The following MOB3A variants were observed in gnomAD, a reference collection of about 807,000 sequenced individuals.
MOB3A encodes the protein MOB kinase activator 3A.
A neutral mutation model predicts 17.8 loss-of-function variants in MOB3A; 17 were observed. The ratio of observed to expected loss-of-function variants is 0.95; its 90% CI spans 0.65 to 1.43. The LOEUF (loss-of-function observed/expected upper bound fraction) is 1.43, where lower values mean the gene tolerates loss of function less well. Ranked by LOEUF, MOB3A falls within the 40% of genes most tolerant of loss-of-function variation. The pLI is 0.00. For missense variants in MOB3A, 333 were observed against 310.8 expected, an observed-to-expected ratio of 1.07 and a Z score of -0.54; for synonymous variants, 124 against 133.2, an observed-to-expected ratio of 0.93 and a Z score of 0.48.
chr19:2,085,025 G>A (rs538966129), intron 2 of MOB3A, 150 bp downstream of exon 2: 3 of 152,194 alleles, frequency 2.0e-5, no homozygotes, highest in East Asian at 1.9e-4. Context: ...TGTCCGGCCC[G>A]AGCAAAGCGT....
chr19:2,091,477 G>T (rs528621464), intron 1 of MOB3A, among the ~76,000 whole-genome samples: 1 of 151,844 alleles, frequency 6.6e-6, no homozygotes, highest in African/African-American at 2.4e-5. Context: ...TCTGCCTCCC[G>T]GGCTCAAGCA....
chr19:2,077,649 T>C (rs2017429331), intron 3 of MOB3A, among the ~76,000 whole-genome samples: 1 of 152,100 alleles, frequency 6.6e-6, no homozygotes, highest in Admixed American at 6.6e-5. Context: ...TTGTCTCCTC[T>C]GCGAAGGACT....
rs141042584 is a variant in MOB3A, at chr19:2,076,975, T to C, written c.460A>G (p.Lys154Glu). 1 of 1,613,822 alleles carries C rather than the reference T, an allele frequency of 6.2e-7. No individual in the cohort carries two copies. Among genetic ancestry groups the C allele is most frequent in the Non-Finnish European group, 8.5e-7 (1 of 1,179,996 alleles). ...FPKNFLQTVRKILSRLFRVFV... is the reference protein window; with the variant it reads ...FPKNFLQTVREILSRLFRVFV... ...ACGCGGAACAGCCGCGACAGGATCT[T>C]CCGCACCGTCTGCAGGAAGTTCTTG... The change falls in exon 4 of 5, where the codon AAG becomes GAG. Residue 154 changes from lysine (K) to glutamate (E), a missense_variant. Coordinates refer to ENST00000357066, the MANE Select transcript of MOB3A (RefSeq NM_130807.3).
chr19:2,075,023 T>C (rs1050911990), intron 4 of MOB3A, among the ~76,000 whole-genome samples: 31 of 149,222 alleles, frequency 2.1e-4, no homozygotes, highest in Non-Finnish European at 4.1e-4. Context: ...GGCCTTAATC[T>C]TTTCTTTTCT....
rs4807198 is a variant in MOB3A, at chr19:2,081,612, G to A, written c.-119-2933C>T. ...CAAAACAAAACAAAACAGGCCTGGC[G>A]CGGTGGCCCACGCCTGTAATCCCAG... On this transcript the variant is annotated intron_variant, in intron 2 of 4. Transcript: ENST00000357066. Among the ~76,000 whole-genome samples, 368 of 151,622 alleles carry A rather than the reference G, an allele frequency of 2.4e-3. 1 individual carries two copies. In the East Asian group the frequency reaches 0.03, roughly 12 times the overall value.
At chr19:2,077,151 A>G in intron 3 of MOB3A, 138 bp from the exon 4 acceptor site, 1 of 714,234 alleles carries the variant, frequency 1.4e-6, no homozygotes, top group Non-Finnish European at 2.4e-6. Flanking sequence ...CTGTAATCCC[A>G]GCACTTTGGG....
At chr19:2,081,458 G>T (rs1213367108) in intron 2 of MOB3A, among the ~76,000 whole-genome samples, 6 of 151,816 alleles carry the variant, frequency 4.0e-5, no homozygotes, top group Non-Finnish European at 8.8e-5. Context: ...CATGGTGGCG[G>T]GCGCCTGTAA....
intron 1 of MOB3A, among the ~76,000 whole-genome samples, chr19:2,094,738 C>T (rs2017651905): frequency 6.6e-6 from 1 of 152,262 alleles, no homozygotes; most frequent in African/African-American, 2.4e-5. Flanking sequence ...AAGCAGAAAG[C>T]ACAGATGGGA....
At chr19:2,095,769 T>TC (rs1031122694) in intron 1 of MOB3A, among the ~76,000 whole-genome samples, 7 of 149,960 alleles carry the variant, frequency 4.7e-5, no homozygotes, top group South Asian at 4.2e-4. Flanking sequence ...TTTTTTTTTT[T>TC]CCCCCGCTCT....
At chr19:2,076,753 C>A in intron 4 of MOB3A, 58 bp downstream of exon 4, 1 of 1,571,060 alleles carries the variant, frequency 6.4e-7, no homozygotes, top group Non-Finnish European at 8.7e-7. Flanking sequence ...AAGGGTTCCT[C>A]TGCCACGGGC....
At chr19:2,080,514 A>G (rs531149710) in intron 2 of MOB3A, among the ~76,000 whole-genome samples, 30 of 152,098 alleles carry the variant, frequency 2.0e-4, no homozygotes, top group African/African-American at 7.0e-4. Context: ...AGTAGCTGGC[A>G]CTACAGGCAC....
rs142144016 is a variant in MOB3A, at chr19:2,083,971, T to G, written c.-120+1204A>C. On this transcript the variant is annotated intron_variant, in intron 2 of 4. Coordinates refer to ENST00000357066, the MANE Select transcript of MOB3A (RefSeq NM_130807.3). ...ACTTTTTGTAGAGATAGGGTCTCACTACATTGCCCAGGCTGGTCTTGAACT... is the reference window on the plus strand; with the variant it reads ...ACTTTTTGTAGAGATAGGGTCTCACGACATTGCCCAGGCTGGTCTTGAACT... 2,457 of 294,274 alleles carry G rather than the reference T, an allele frequency of 8.3e-3. 15 individuals are homozygous for G. The highest frequency in any genetic ancestry group is 0.013 in the Non-Finnish European group (1,840 of 144,098). 18.2% of individuals were successfully genotyped at this position (294,274 alleles called of 1,614,324 possible).
At chr19:2,084,311 G>A in intron 2 of MOB3A, 1 of 363,864 alleles carries the variant, frequency 2.7e-6, no homozygotes, top group Non-Finnish European at 5.5e-6. Context: ...TGGCCAACAT[G>A]GTGAAACCCT....
chr19:2,076,810 C>A lies in MOB3A; in HGVS notation c.624+1G>T. 1 of 1,613,524 alleles carries A rather than the reference C, an allele frequency of 6.2e-7. No homozygotes were observed. On this transcript the variant is annotated splice_donor_variant, in intron 4 of 4. Transcript: ENST00000357066. LOFTEE classifies it high-confidence loss of function. ...ACGCCCTCAGCCCCAAGCCCGCGCA[C>A]CAGTGGCTCCAGCTCCTTGGTGTCG...
chr19:2,094,481 G>C (rs1383018478), intron 1 of MOB3A, among the ~76,000 whole-genome samples: 2 of 152,228 alleles, frequency 1.3e-5, no homozygotes, highest in African/African-American at 4.8e-5. Context: ...GGTGGGTTTT[G>C]TCTCACGGGT....
At position 2,093,320 on chromosome 19, in the gene MOB3A, G is replaced by A. The variant is rs1278184015; in HGVS notation, c.-274+2906C>T. Among the ~76,000 whole-genome samples, 1 of 152,022 alleles carries A rather than the reference G, an allele frequency of 6.6e-6. No individual in the cohort carries two copies. The highest frequency in any genetic ancestry group is 1.5e-5 in the Non-Finnish European group (1 of 67,998). Reference sequence around the variant, plus strand: ...CTACAGGCACGCGCCAGCATGCCCGGGTAAATTTTGTATTCCTCAGCCGAT... The same window carrying A: ...CTACAGGCACGCGCCAGCATGCCCGAGTAAATTTTGTATTCCTCAGCCGAT... On this transcript the variant is annotated intron_variant, in intron 1 of 4. Coordinates refer to ENST00000357066, the MANE Select transcript of MOB3A (RefSeq NM_130807.3). This position sits in a 1 kb window ranked among gnomAD's most constrained non-coding sequence, Gnocchi z 4.6.
At position 2,078,212 on chromosome 19, in the gene MOB3A, T is replaced by C. The variant is rs778451889; in HGVS notation, c.349A>G (p.Arg117Gly). Reference protein sequence around the residue: ...FRKPTALSAPRYMDLLMDWIE... With the variant: ...FRKPTALSAPGYMDLLMDWIE... ...CAGTCCATCAGCAGGTCCATGTACC[T>C]GGGCGCGGAGAGTGCCGTGGGCTTC... is the stretch of plus-strand genomic sequence containing the variant. The change falls in exon 3 of 5, where the codon AGG becomes GGG. Residue 117 changes from arginine (R) to glycine (G), a missense_variant. Physicochemically the swap from Arg to Gly is moderately radical, Grantham distance 125 (BLOSUM62 -2). Transcript: ENST00000357066. 3 of 1,612,336 alleles carry C rather than the reference T, an allele frequency of 1.9e-6. No homozygotes were observed. Among genetic ancestry groups the C allele is most frequent in the East Asian group, 2.2e-5 (1 of 44,812 alleles).
intron 1 of MOB3A, among the ~76,000 whole-genome samples, chr19:2,087,153 T>C (rs942777004): frequency 2.6e-5 from 4 of 152,240 alleles, no homozygotes; most frequent in African/African-American, 9.6e-5. Flanking sequence ...CAGGCCCCTC[T>C]GGGCCAGGTG....
chr19:2,080,328 G>A (rs530360826), intron 2 of MOB3A, among the ~76,000 whole-genome samples: 1 of 152,028 alleles, frequency 6.6e-6, no homozygotes, highest in East Asian at 1.9e-4. Flanking sequence ...TCCACGCAAC[G>A]CTCACAAGTA....
Sources: allele counts gnomAD v4.1 joint callset (sites outside exome capture counted in the v4.1 genomes callset), GRCh38; gene constraint gnomAD v4.1.1; non-coding constraint Gnocchi (gnomAD v3.1); transcripts MANE v1.5; gene names NCBI Gene and HGNC (gene_info 2026-07-23, HGNC 2026-07-21).